The following PJVK variants were observed in gnomAD, a reference collection of about 807,000 sequenced individuals.
PJVK encodes autosomal recessive deafness type 59 protein.
Under a neutral mutation model 37.6 loss-of-function variants are expected in PJVK, and 33 were observed. That is an observed-to-expected ratio of 0.88 (90% CI 0.67 to 1.17). The LOEUF is 1.17. Ranked by LOEUF, PJVK falls within the 50% of genes most tolerant of loss-of-function variation. The pLI is 0.00. For synonymous variants in PJVK, 141 were observed against 143.5 expected, an observed-to-expected ratio of 0.98 and a Z score of 0.13; for missense variants, 410 against 413.8, an observed-to-expected ratio of 0.99 and a Z score of 0.08.
intron 3 of PJVK, 149 bp downstream of exon 3, chr2:178,454,676 A>C: frequency 6.9e-7 from 1 of 1,457,830 alleles, no homozygotes; most frequent in Non-Finnish European, 9.4e-7. Flanking sequence ...TAGTATATCC[A>C]AACTTTGAAT....
At position 178,453,379 on chromosome 2, in the gene PJVK, G is replaced by A; in HGVS notation, c.-22-9G>A. On this transcript the variant is annotated splice_polypyrimidine_tract_variant and intron_variant, in intron 1 of 6. Transcript: ENST00000644580. ...CCTCTTTAAAAATGGATTTATCTGG[G>A]GGTTGCAGTTGATGACGTTTTGATT... 1.2e-6 allele frequency: 2 copies of A among 1,612,296 alleles called. No individual in the cohort carries two copies. Among genetic ancestry groups the A allele is most frequent in the Non-Finnish European group, 1.7e-6 (2 of 1,178,632 alleles).
chr2:178,456,291 G>A (rs1248920806), intron 4 of PJVK, 140 bp downstream of exon 4: 128 of 1,046,350 alleles, frequency 1.2e-4, no homozygotes, highest in South Asian at 3.4e-4. Flanking sequence ...ATTTTGCACA[G>A]CAATGTCTGT....
chr2:178,459,252 A>G, intron 5 of PJVK: 1 of 470,916 alleles, frequency 2.1e-6, no homozygotes, highest in South Asian at 1.6e-5. Flanking sequence ...GGATCAGGAA[A>G]GGCAGCCCCT....
chr2:178,458,231 CT>C (rs1453088346), intron 4 of PJVK, among the ~76,000 whole-genome samples: 1 of 150,870 alleles, frequency 6.6e-6, no homozygotes, highest in Non-Finnish European at 1.5e-5. Flanking sequence ...AAAAAAAAGG[CT>C]TCTGCTCCAG....
chr2:178,460,214 C>A, intron 5 of PJVK, 134 bp from the exon 6 acceptor site: 1 of 776,178 alleles, frequency 1.3e-6, no homozygotes. Context: ...TGAATGTTAC[C>A]TTTTCCAAAA....
chr2:178,455,134 C>T, intron 3 of PJVK: 1 of 1,601,026 alleles, frequency 6.2e-7, no homozygotes, highest in Non-Finnish European at 8.6e-7. Flanking sequence ...GCTCGTGGCT[C>T]ATTGAGGACG....
At chr2:178,456,769 A>C (rs985327042) in intron 4 of PJVK, among the ~76,000 whole-genome samples, 2 of 143,498 alleles carry the variant, frequency 1.4e-5, no homozygotes, top group African/African-American at 5.9e-5. Context: ...TCCGTCTCAA[A>C]AAAACAAAAC....
rs778398742 is a variant in PJVK at position 178,453,505 on chromosome 2, A to G, written c.96A>G (p.Gln32=). ...GCCTCAGTGAAGCTGACAAATATCAACCTCTAAGTCTGGTGGTAAAAAAGA... is the reference window on the plus strand; with the variant it reads ...GCCTCAGTGAAGCTGACAAATATCAGCCTCTAAGTCTGGTGGTAAAAAAGA... ...VPSLSEADKY[Q]PLSLVVKKKR... is the part of the protein sequence containing the mutation. Residue 32 remains glutamine (Q), a synonymous_variant, in exon 2 of 7, where the codon CAA becomes CAG. Transcript: ENST00000644580. 16 of 1,614,030 alleles carry G rather than the reference A, an allele frequency of 9.9e-6. No homozygotes were observed. The highest frequency in any genetic ancestry group is 6.7e-5 in the East Asian group (3 of 44,880).
chr2:178,455,274 G>A, intron 3 of PJVK: 1 of 1,441,134 alleles, frequency 6.9e-7, no homozygotes, highest in Non-Finnish European at 9.8e-7. Flanking sequence ...GACCTGGACA[G>A]TGAGACTCAC....
At chr2:178,455,356 G>C in intron 3 of PJVK, 1 of 1,303,916 alleles carries the variant, frequency 7.7e-7, no homozygotes, top group East Asian at 2.3e-5. Flanking sequence ...ACGAACAGAA[G>C]AAACAGGAGA....
chr2:178,455,323 GTCCATGGGGCTGCCAACC>G, intron 3 of PJVK: 8 of 1,306,068 alleles, frequency 6.1e-6, no homozygotes, highest in Non-Finnish European at 8.9e-6. Context: ...AGTAACAGAA[GTCCATGGGGCTGCCAACC>G]TCAGACGAAC....
At chr2:178,452,736 A>ATATAAACTATTACCTAGT in intron 1 of PJVK, 2 of 561,118 alleles carry the variant, frequency 3.6e-6, no homozygotes, top group Non-Finnish European at 4.5e-6. Flanking sequence ...AGAAACCACT[A>ATATAAACTATTACCTAGT]GGTAATAGTT....
chr2:178,455,822 T>C lies in PJVK; in HGVS notation c.408-188T>C, dbSNP rs1330957236. On this transcript the variant is annotated intron_variant, in intron 3 of 6. Coordinates refer to ENST00000644580, the MANE Select transcript of PJVK (RefSeq NM_001042702.5). Reference sequence around the variant, plus strand: ...CAGAGTGAAACATTCTGCATAAGCATGTTTTAAGAAAATAGAGAGGAGAGA... The same window carrying C: ...CAGAGTGAAACATTCTGCATAAGCACGTTTTAAGAAAATAGAGAGGAGAGA... Among the ~76,000 whole-genome samples, 5 of 152,346 alleles carry C rather than the reference T, an allele frequency of 3.3e-5. No homozygotes were observed. In the East Asian group the frequency reaches 7.7e-4, roughly 23 times the overall value.
At chr2:178,455,279 ACT>A in intron 3 of PJVK, 2 of 1,425,460 alleles carry the variant, frequency 1.4e-6, no homozygotes, top group African/African-American at 2.8e-5. Flanking sequence ...GGACAGTGAG[ACT>A]CACATCATGG....
intron 5 of PJVK, 86 bp from the exon 6 acceptor site, chr2:178,460,262 T>A: frequency 9.1e-7 from 1 of 1,102,936 alleles, no homozygotes; most frequent in South Asian, 1.3e-5. Context: ...ATACAATGAA[T>A]GATTTGTACT....
chr2:178,455,642 C>CT (rs892539313), intron 3 of PJVK, among the ~76,000 whole-genome samples: 8 of 142,842 alleles, frequency 5.6e-5, no homozygotes, highest in South Asian at 2.5e-4. Context: ...ATTTGCCCAG[C>CT]TAAAAAAAAA....
chr2:178,454,493 G>A lies in PJVK; in HGVS notation c.373G>A (p.Glu125Lys). The A allele has an allele frequency of 1.2e-6, 2 of 1,613,810 alleles. No individual in the cohort carries two copies. Among genetic ancestry groups the A allele is most frequent in the East Asian group, 2.2e-5 (1 of 44,820 alleles). ...TGGTATAGTAACCAAACATGAAGTG[G>A]AAGTATCAACATTACTCAAAGAAAT... is the stretch of plus-strand genomic sequence containing the variant. ...SFGIVTKHEVEVSTLLKEITT... is the reference protein window; with the variant it reads ...SFGIVTKHEVKVSTLLKEITT... Residue 125 changes from glutamate to lysine, a missense_variant, in exon 3 of 7, where the codon GAA becomes AAA. Coordinates refer to ENST00000644580, the MANE Select transcript of PJVK (RefSeq NM_001042702.5).
chr2:178,461,488 A>G lies in PJVK; in HGVS notation c.*214A>G, dbSNP rs1190083782. On this transcript the variant is annotated 3_prime_UTR_variant, in exon 7 of 7. Transcript: ENST00000644580. ...GTCATGAAAATTAATAACATTGTTTATATCAAAAAAGATTTACATATAAAA... is the reference window on the plus strand; with the variant it reads ...GTCATGAAAATTAATAACATTGTTTGTATCAAAAAAGATTTACATATAAAA... 4.6e-5 allele frequency: 24 copies of G among 523,136 alleles called. No homozygotes were observed. The highest frequency in any genetic ancestry group is 7.4e-5 in the Non-Finnish European group (22 of 297,678). 32.4% of individuals were successfully genotyped at this position (523,136 alleles called of 1,614,324 possible). A position where few individuals can be genotyped will look rare whatever the true frequency, so the allele number is the denominator to read the frequency against.
intron 5 of PJVK, chr2:178,459,881 A>G (rs1407394192): frequency 6.2e-6 from 1 of 160,942 alleles, no homozygotes; most frequent in East Asian, 1.8e-4. Flanking sequence ...GATTGGAAAC[A>G]ACATTAAGGA....
Sources: allele counts gnomAD v4.1 joint callset (sites outside exome capture counted in the v4.1 genomes callset), GRCh38; gene constraint gnomAD v4.1.1; transcripts MANE v1.5; gene names NCBI Gene and HGNC (gene_info 2026-07-23, HGNC 2026-07-21).